The following GOLIM4 variants were observed in gnomAD, a reference collection of about 807,000 sequenced individuals.
GOLIM4 encodes golgi integral membrane protein 4, also known as 130 kDa golgi-localized phosphoprotein.
Under a neutral mutation model 107.4 loss-of-function variants are expected in GOLIM4, and 71 were observed. That is an observed-to-expected ratio of 0.66 (90% CI 0.55 to 0.81). The LOEUF (loss-of-function observed/expected upper bound fraction) is 0.81, where lower values mean the gene tolerates loss of function less well. Ranked by LOEUF, GOLIM4 falls within the 30% of genes least tolerant of loss-of-function variation. GOLIM4 has a pLI of 0.00. For missense variants in GOLIM4, 830 were observed against 826.1 expected, an observed-to-expected ratio of 1.00 and a Z score of -0.06; for synonymous variants, 327 against 294.8, an observed-to-expected ratio of 1.11 and a Z score of -1.12.
intron 1 of GOLIM4, among the ~76,000 whole-genome samples, chr3:168,060,857 A>C (rs751525323): frequency 1.3e-5 from 2 of 152,114 alleles, no homozygotes; most frequent in Admixed American, 6.5e-5. Flanking sequence ...GATTGATGGA[A>C]AGGTGGATAA....
At chr3:168,073,716 T>C (rs1720941781) in intron 1 of GOLIM4, among the ~76,000 whole-genome samples, 1 of 152,236 alleles carries the variant, frequency 6.6e-6, no homozygotes, top group South Asian at 2.1e-4. Flanking sequence ...ATCATTTTTC[T>C]GCTTATATAG....
chr3:168,013,420 G>A (rs934303028), intron 14 of GOLIM4, among the ~76,000 whole-genome samples: 15 of 151,906 alleles, frequency 9.9e-5, no homozygotes, highest in Admixed American at 2.0e-4. Context: ...AAGAGACTTA[G>A]ACTCCCACGC....
In GOLIM4 at chr3:168,095,322, C is replaced by G; in HGVS notation, c.-37G>C. 6.3e-7 allele frequency: 1 copy of G among 1,583,444 alleles called. No homozygotes were observed. The highest frequency in any genetic ancestry group is 8.6e-7 in the Non-Finnish European group (1 of 1,160,558). Reference sequence around the variant, plus strand: ...GACCCAAAGCCGCGGCCGCCCCCGCCGTCTCCTCCCCTTGGTCCGAGCGAG... The same window carrying G: ...GACCCAAAGCCGCGGCCGCCCCCGCGGTCTCCTCCCCTTGGTCCGAGCGAG... On this transcript the variant is annotated 5_prime_UTR_variant, in exon 1 of 16. Transcript: ENST00000470487.
At chr3:168,072,165 A>G (rs1720866873) in intron 1 of GOLIM4, among the ~76,000 whole-genome samples, 1 of 152,138 alleles carries the variant, frequency 6.6e-6, no homozygotes, top group African/African-American at 2.4e-5. Context: ...CCAGCCCTAC[A>G]TTGCAGGAGA....
intron 2 of GOLIM4, among the ~76,000 whole-genome samples, 166 bp from the exon 3 acceptor site, chr3:168,047,165 G>T (rs944049022): frequency 1.9e-4 from 29 of 152,150 alleles, no homozygotes; most frequent in Admixed American, 1.2e-3. Context: ...GCTTTAGAAA[G>T]AATTGGAAAA....
At chr3:168,034,914 A>T (rs1019372343) in intron 8 of GOLIM4, among the ~76,000 whole-genome samples, 2 of 152,176 alleles carry the variant, frequency 1.3e-5, no homozygotes, top group South Asian at 4.1e-4. Flanking sequence ...AGGCTTCCCC[A>T]GCCATGTGGA....
Position 168,051,573 on chromosome 3 carries a change from CA to C in GOLIM4, c.188-3209del, listed in dbSNP as rs551711910. On this transcript the variant is annotated intron_variant, in intron 1 of 15. Coordinates refer to ENST00000470487, the MANE Select transcript of GOLIM4 (RefSeq NM_014498.5). ...GATTACATGCATGGCATCATAATAG[CA>C]AACTGTTAACGCAAGAAGAATGTAT... is the stretch of plus-strand genomic sequence containing the variant. Among the ~76,000 whole-genome samples, 571 of 152,140 alleles carry C rather than the reference CA, an allele frequency of 3.8e-3. 1 individual carries two copies. Among genetic ancestry groups the C allele is most frequent in the Non-Finnish European group, 6.1e-3 (417 of 68,000 alleles).
In GOLIM4 at chr3:168,078,944, T is replaced by G. The variant is rs550411869; in HGVS notation, c.187+16155A>C. Among the ~76,000 whole-genome samples, 3 of 111,614 alleles carry G rather than the reference T, an allele frequency of 2.7e-5. No individual in the cohort carries two copies. The South Asian group carries it at 7.2e-4, about 27-fold the overall frequency. The allele number at this position is 111,614 out of a possible 152,430, so 73.2% of individuals were successfully genotyped here. A position where few individuals can be genotyped will look rare whatever the true frequency, so the allele number is the denominator to read the frequency against. On this transcript the variant is annotated intron_variant, in intron 1 of 15. Coordinates refer to ENST00000470487, the MANE Select transcript of GOLIM4 (RefSeq NM_014498.5). ...TTTGAACATTTAAGTTTCAGTTGTT[T>G]TTACTTTTGGTCATATTTTAAAATT...
intron 1 of GOLIM4, among the ~76,000 whole-genome samples, chr3:168,060,807 C>T (rs1720225861): frequency 6.6e-6 from 1 of 152,122 alleles, no homozygotes; most frequent in South Asian, 2.1e-4. Context: ...TCCCCATGAG[C>T]TTTTCTAGGG....
chr3:168,029,416 G>A (rs1577515550), intron 10 of GOLIM4, 114 bp from the exon 11 acceptor site: 3 of 656,742 alleles, frequency 4.6e-6, no homozygotes. Context: ...ACATTTTTAA[G>A]AAGCCATGAA....
At chr3:168,025,204 T>G in intron 12 of GOLIM4, 109 bp from the exon 13 acceptor site, 1 of 825,154 alleles carries the variant, frequency 1.2e-6, no homozygotes, top group Admixed American at 2.6e-5. Context: ...CTTCCCTCAA[T>G]TGTTCAGATC....
At chr3:168,082,834 TC>T (rs1721441694) in intron 1 of GOLIM4, among the ~76,000 whole-genome samples, 1 of 152,018 alleles carries the variant, frequency 6.6e-6, no homozygotes, top group Non-Finnish European at 1.5e-5. Flanking sequence ...AAACACTGGT[TC>T]TACAGAAATT....
chr3:168,027,805 C>T lies in GOLIM4; in HGVS notation c.1546G>A (p.Ala516Thr). 1 of 1,613,102 alleles carries T rather than the reference C, an allele frequency of 6.2e-7. No homozygotes were observed. The highest frequency in any genetic ancestry group is 8.5e-7 in the Non-Finnish European group (1 of 1,179,156). The change falls in exon 12 of 16, where the codon GCA becomes ACA. Residue 516 changes from alanine to threonine, a missense_variant. Physicochemically the swap from Ala to Thr is moderately conservative, Grantham distance 58. Transcript: ENST00000470487. ...TGTCTATTACCTGGATCTCCTTCTGCTTCATCTTGGTGCTGGTTGTCTCTT... is the reference window on the plus strand; with the variant it reads ...TGTCTATTACCTGGATCTCCTTCTGTTTCATCTTGGTGCTGGTTGTCTCTT... ...YERDNQHQDE[A>T]EGDPGNRHEP...
intron 11 of GOLIM4, among the ~76,000 whole-genome samples, chr3:168,028,159 C>G (rs1718112873): frequency 6.6e-6 from 1 of 152,200 alleles, no homozygotes; most frequent in African/African-American, 2.4e-5. Context: ...TGATTGGACA[C>G]TGCTGAAGAA....
chr3:168,057,576 G>A (rs769821682), intron 1 of GOLIM4, among the ~76,000 whole-genome samples: 1 of 152,112 alleles, frequency 6.6e-6, no homozygotes, highest in Non-Finnish European at 1.5e-5. Context: ...AGAACAGCAT[G>A]GGGAAACCAC....
intron 12 of GOLIM4, among the ~76,000 whole-genome samples, chr3:168,027,119 T>C (rs946637302): frequency 1.3e-5 from 2 of 152,086 alleles, no homozygotes; most frequent in African/African-American, 4.8e-5. Flanking sequence ...GAGGTCTCAG[T>C]CTTTTTTGGT....
intron 1 of GOLIM4, among the ~76,000 whole-genome samples, chr3:168,079,104 A>G (rs955307803): frequency 2.6e-5 from 4 of 152,340 alleles, no homozygotes; most frequent in African/African-American, 9.6e-5. Flanking sequence ...GTCATCAATC[A>G]TATCAAAAAG....
At chr3:168,012,321 A>T (rs1717092700) in intron 14 of GOLIM4, among the ~76,000 whole-genome samples, 1 of 134,550 alleles carries the variant, frequency 7.4e-6, no homozygotes, top group African/African-American at 3.9e-5. Context: ...AAATGAAGCG[A>T]GAAGAGAAGT....
intron 12 of GOLIM4, among the ~76,000 whole-genome samples, 180 bp downstream of exon 12, chr3:168,027,548 C>T (rs537793271): frequency 1.6e-4 from 25 of 151,604 alleles, no homozygotes; most frequent in African/African-American, 5.6e-4. Flanking sequence ...ATCACATACA[C>T]GTACACCATG....
Sources: gnomAD v4.1 joint callset for allele counts (sites outside exome capture counted in the v4.1 genomes callset) on GRCh38, gnomAD v4.1.1 for gene constraint, MANE v1.5 for transcripts, NCBI Gene and HGNC (gene_info 2026-07-23, HGNC 2026-07-21) for gene names.